NFIX: variants seen among roughly 807,000 people sequenced by gnomAD.
NFIX encodes the protein nuclear factor I X.
NFIX carries 2 observed loss-of-function variants against 53.3 expected under a neutral mutation model. The ratio of observed to expected loss-of-function variants is 0.04; its 90% confidence interval spans 0.02 to 0.12. The LOEUF (loss-of-function observed/expected upper bound fraction) is 0.12, where lower values mean the gene tolerates loss of function less well. Among genes scored for constraint, NFIX ranks in the 10% least tolerant of loss-of-function variants. The pLI is 1.00. For missense variants in NFIX, 310 were observed against 674.5 expected, an observed-to-expected ratio of 0.46 and a Z score of 5.99; for synonymous variants, 244 against 289.0, an observed-to-expected ratio of 0.84 and a Z score of 1.58.
chr19:13,073,025 T>A lies in NFIX; in HGVS notation c.560-22T>A, dbSNP rs1568315581. ...GGGGAACTTTGCTCCTGATACATTC[T>A]CCCCTTTTGTGTCTCCTGCAGAATC... is the stretch of plus-strand genomic sequence containing the variant. On this transcript the variant is annotated intron_variant, in intron 2 of 10. Coordinates refer to ENST00000592199, the MANE Select transcript of NFIX (RefSeq NM_001365902.3). This position sits in a 1 kb window ranked among gnomAD's most constrained non-coding sequence, Gnocchi z 4.5. 3 of 1,612,832 alleles carry A rather than the reference T, an allele frequency of 1.9e-6. No individual in the cohort carries two copies. Among genetic ancestry groups the A allele is most frequent in the Non-Finnish European group, 2.5e-6 (3 of 1,178,900 alleles).
In NFIX at chr19:13,049,474, T is replaced by C. The variant is rs1014043612; in HGVS notation, c.560-23573T>C. Among the ~76,000 whole-genome samples, 1 of 152,158 alleles carries C rather than the reference T, an allele frequency of 6.6e-6. No individual in the cohort carries two copies. The highest frequency in any genetic ancestry group is 1.5e-5 in the Non-Finnish European group (1 of 68,034). Reference sequence around the variant, plus strand: ...TCTGCTTTGTTTCTATGGATTTGCCTAGTTGTGGATGTTTCATATAAATGA... The same window carrying C: ...TCTGCTTTGTTTCTATGGATTTGCCCAGTTGTGGATGTTTCATATAAATGA... On this transcript the variant is annotated intron_variant, in intron 2 of 10. Transcript: ENST00000592199. This position sits in a 1 kb window ranked among gnomAD's most constrained non-coding sequence, Gnocchi z 4.5.
At chr19:13,077,455 C>A (rs991789634) in intron 6 of NFIX, among the ~76,000 whole-genome samples, 1 of 152,170 alleles carries the variant, frequency 6.6e-6, no homozygotes, top group Non-Finnish European at 1.5e-5. Context: ...AGGCACTGTG[C>A]GGCCATGGGG....
intron 2 of NFIX, chr19:13,070,336 G>A (rs897631323): frequency 2.6e-5 from 4 of 152,358 alleles, no homozygotes; most frequent in African/African-American, 9.6e-5. Flanking sequence ...CTCTTGCTGA[G>A]CTAGTTAAGG....
intron 1 of NFIX, among the ~76,000 whole-genome samples, chr19:13,016,763 C>T (rs1458499386): frequency 6.6e-6 from 1 of 151,846 alleles, no homozygotes. Context: ...TTCTTTCGCC[C>T]TCTCTGTCTT....
chr19:13,032,750 T>C (rs2013906983), intron 2 of NFIX, among the ~76,000 whole-genome samples: 1 of 152,158 alleles, frequency 6.6e-6, no homozygotes, highest in Non-Finnish European at 1.5e-5. Flanking sequence ...TCAGTGCTGC[T>C]GAGACCTTGG....
rs1356682919 is a variant in NFIX, at chr19:13,073,749, G to A, written c.698-157G>A. Among the ~76,000 whole-genome samples, 2 of 152,166 alleles carry A rather than the reference G, an allele frequency of 1.3e-5. No individual in the cohort carries two copies. The highest frequency in any genetic ancestry group is 2.4e-5 in the African/African-American group (1 of 41,420). ...CTCTTCTGTGACCCACTAGCTGGGA[G>A]GAGGTTCCTCAGCAGCCCAGATGGC... On this transcript the variant is annotated intron_variant, in intron 4 of 10. Coordinates refer to ENST00000592199, the MANE Select transcript of NFIX (RefSeq NM_001365902.3). The surrounding 1 kb of genome is among the most constrained non-coding windows in gnomAD (Gnocchi z 4.5).
At position 13,094,514 on chromosome 19, in the gene NFIX, C is replaced by T. The variant is rs1794776125; in HGVS notation, c.1495-121C>T. 6.1e-6 allele frequency: 6 copies of T among 990,336 alleles called. No homozygotes were observed. The highest frequency in any genetic ancestry group is 5.9e-5 in the South Asian group (4 of 67,926). The allele number at this position is 990,336 out of a possible 1,614,324, so 61.3% of individuals were successfully genotyped here. Reference sequence around the variant, plus strand: ...ATGGGAACAAGGTGGGTGGTGGCTGCCCGGCACCCTGGCTCTTTGGGAGCT... The same window carrying T: ...ATGGGAACAAGGTGGGTGGTGGCTGTCCGGCACCCTGGCTCTTTGGGAGCT... On this transcript the variant is annotated intron_variant, in intron 10 of 10. Coordinates refer to ENST00000592199, the MANE Select transcript of NFIX (RefSeq NM_001365902.3). The surrounding 1 kb of genome is among the most constrained non-coding windows in gnomAD (Gnocchi z 4.3).
At chr19:12,997,525 A>G (rs1401134243) in intron 1 of NFIX, among the ~76,000 whole-genome samples, 1 of 151,958 alleles carries the variant, frequency 6.6e-6, no homozygotes, top group Non-Finnish European at 1.5e-5. Flanking sequence ...TTCCACGGCC[A>G]CTCCATGTTG....
Position 12,996,595 on chromosome 19 carries a change from C to A in NFIX, c.27+731C>A, listed in dbSNP as rs1342664699. Among the ~76,000 whole-genome samples the A allele has an allele frequency of 6.6e-6, 1 of 152,166 alleles. No homozygotes were observed. Among genetic ancestry groups the A allele is most frequent in the Non-Finnish European group, 1.5e-5 (1 of 68,002 alleles). On this transcript the variant is annotated intron_variant, in intron 1 of 10. Coordinates refer to ENST00000592199, the MANE Select transcript of NFIX (RefSeq NM_001365902.3). The surrounding 1 kb of genome is among the most constrained non-coding windows in gnomAD (Gnocchi z 5.2). ...GACCCCGGACGTCGCAGCCTCTGCCCCCCCACCCCCAAACTTTCCTCGGCG... is the reference window on the plus strand; with the variant it reads ...GACCCCGGACGTCGCAGCCTCTGCCACCCCACCCCCAAACTTTCCTCGGCG...
At chr19:13,083,927 G>T (rs530315629) in intron 8 of NFIX, among the ~76,000 whole-genome samples, 147 of 152,382 alleles carry the variant, frequency 9.6e-4, no homozygotes, top group Middle Eastern at 3.4e-3. Context: ...TACAGCCACT[G>T]TTAAGCAGTG....
intron 5 of NFIX, among the ~76,000 whole-genome samples, chr19:13,075,001 C>T (rs1170422549): frequency 2.3e-5 from 3 of 130,554 alleles, no homozygotes; most frequent in East Asian, 2.5e-4. Flanking sequence ...ACCCAGGAGG[C>T]GGAGCTTGCA....
chr19:13,084,406 T>C (rs1268168692), intron 8 of NFIX, among the ~76,000 whole-genome samples: 2 of 152,100 alleles, frequency 1.3e-5, no homozygotes, highest in Non-Finnish European at 2.9e-5. Context: ...ATTGCGCCAC[T>C]GCACTCCAGT....
chr19:12,995,801 G>T lies in NFIX; in HGVS notation c.-37G>T. On this transcript the variant is annotated 5_prime_UTR_variant, in exon 1 of 11. Coordinates refer to ENST00000592199, the MANE Select transcript of NFIX (RefSeq NM_001365902.3). ...GCCGCCTGCCGGGCCTCCCCTCGCC[G>T]CGGCCGGCCGCCGCGCTCCCGCCCG... 10 of 975,888 alleles carry T rather than the reference G, an allele frequency of 1.0e-5. No individual in the cohort carries two copies. The highest frequency in any genetic ancestry group is 1.2e-5 in the Non-Finnish European group (10 of 823,236). The allele number at this position is 975,888 out of a possible 1,614,324, so 60.5% of individuals were successfully genotyped here.
intron 2 of NFIX, chr19:13,070,030 G>A (rs2016677874): frequency 6.6e-6 from 1 of 152,280 alleles, no homozygotes; most frequent in Admixed American, 6.5e-5. Context: ...TCCAGAGCAG[G>A]TGTAGACCTC....
chr19:13,000,597 C>T (rs1305509920), intron 1 of NFIX, among the ~76,000 whole-genome samples: 1 of 151,958 alleles, frequency 6.6e-6, no homozygotes, highest in Admixed American at 6.5e-5. Flanking sequence ...TCCACTGTTC[C>T]ATGAGGACCA....
rs888457720 is a variant in NFIX, at chr19:13,088,489, GT to G, written c.1402+366del. Among the ~76,000 whole-genome samples the G allele has an allele frequency of 2.8e-3, 410 of 143,950 alleles. No individual in the cohort carries two copies. Among genetic ancestry groups the G allele is most frequent in the East Asian group, 0.013 (64 of 4,930 alleles). 94.4% of individuals were successfully genotyped at this position (143,950 alleles called of 152,430 possible). A position where few individuals can be genotyped will look rare whatever the true frequency, so the allele number is the denominator to read the frequency against. ...CATGCCATCTTCATGCCTGATTGCT[GT>G]TTTTTTTTTTTTGTTTTTTGTTTTT... On this transcript the variant is annotated intron_variant, in intron 9 of 10. Coordinates refer to ENST00000592199, the MANE Select transcript of NFIX (RefSeq NM_001365902.3). The surrounding 1 kb of genome is among the most constrained non-coding windows in gnomAD (Gnocchi z 5.9).
rs1384125570 is a variant in NFIX at position 13,073,344 on chromosome 19, G to A, written c.623-78G>A. The A allele has an allele frequency of 4.8e-6, 6 of 1,262,012 alleles. No homozygotes were observed. In the African/African-American group the frequency reaches 8.8e-5, roughly 19 times the overall value. The allele number at this position is 1,262,012 out of a possible 1,614,324, so 78.2% of individuals were successfully genotyped here. On this transcript the variant is annotated intron_variant, in intron 3 of 10. Coordinates refer to ENST00000592199, the MANE Select transcript of NFIX (RefSeq NM_001365902.3). This position sits in a 1 kb window ranked among gnomAD's most constrained non-coding sequence, Gnocchi z 4.5. ...CGGGACTTGGGAGGGAGAAGCAACA[G>A]TGTGGAAGACCTTTGGAAATAGCCA...
At chr19:13,058,751 G>A (rs190415189) in intron 2 of NFIX, among the ~76,000 whole-genome samples, 115 of 152,178 alleles carry the variant, frequency 7.6e-4, no homozygotes, top group African/African-American at 2.6e-3. Context: ...ACTGCAGGGA[G>A]AGAAGTACAG....
chr19:13,056,212 C>T (rs1046405288), intron 2 of NFIX, among the ~76,000 whole-genome samples: 2 of 152,180 alleles, frequency 1.3e-5, no homozygotes, highest in Admixed American at 1.3e-4. Flanking sequence ...GGGCTTTGCA[C>T]ATGACTCAGG....
Sources: allele counts gnomAD v4.1 joint callset (sites outside exome capture counted in the v4.1 genomes callset), GRCh38; gene constraint gnomAD v4.1.1; non-coding constraint Gnocchi (gnomAD v3.1); transcripts MANE v1.5; gene names NCBI Gene and HGNC (gene_info 2026-07-23, HGNC 2026-07-21).